H6PD: variants seen among roughly 807,000 people sequenced by gnomAD.
H6PD encodes GDH/6PGL endoplasmic bifunctional protein.
In H6PD, 48 loss-of-function variants were observed where a neutral mutation model predicts 61.2. The ratio of observed to expected loss-of-function variants is 0.78; its 90% CI spans 0.62 to 1.00. H6PD has a LOEUF of 1.00. H6PD is among the 50% of genes least tolerant of loss of function. The pLI, the probability that H6PD is intolerant of heterozygous loss-of-function variation, is 0.00. For missense variants in H6PD, 1,093 were observed against 1,065.0 expected, an observed-to-expected ratio of 1.03 and a Z score of -0.37; for synonymous variants, 480 against 457.9, an observed-to-expected ratio of 1.05 and a Z score of -0.62.
chr1:9,256,457 G>A (rs532127936), intron 3 of H6PD, among the ~76,000 whole-genome samples: 1 of 152,292 alleles, frequency 6.6e-6, no homozygotes, highest in Admixed American at 6.5e-5. Flanking sequence ...GCTGCTGTCG[G>A]GAATGGCATA....
rs74053636 is a variant in H6PD, at chr1:9,270,126, A to G, written c.*5257A>G. On this transcript the variant is annotated 3_prime_UTR_variant, in exon 5 of 5. Coordinates refer to ENST00000377403, the MANE Select transcript of H6PD (RefSeq NM_004285.4). Reference sequence around the variant, plus strand: ...GGATGTGCCTGTCTCTGTGTGACCCACGAACGGGAAGGGAGAGCACTGGAG... The same window carrying G: ...GGATGTGCCTGTCTCTGTGTGACCCGCGAACGGGAAGGGAGAGCACTGGAG... 84 of 152,736 alleles carry G rather than the reference A, an allele frequency of 5.5e-4. No individual in the cohort carries two copies. The highest frequency in any genetic ancestry group is 1.9e-3 in the African/African-American group (81 of 41,548). The allele number at this position is 152,736 out of a possible 1,614,324, so 9.5% of individuals were successfully genotyped here.
In H6PD at chr1:9,248,170, G is replaced by A. The variant is rs950054816; in HGVS notation, c.745+1087G>A. 3.9e-5 allele frequency among the ~76,000 whole-genome samples: 6 copies of A among 152,334 alleles called. No individual in the cohort carries two copies. In the East Asian group the frequency reaches 7.7e-4, roughly 20 times the overall value. ...TGCAGCTGCAGCGGGAGCACCCGAG[G>A]CCACTGCCCCCCCAGCCCCCGCAGT... On this transcript the variant is annotated intron_variant, in intron 3 of 4. Coordinates refer to ENST00000377403, the MANE Select transcript of H6PD (RefSeq NM_004285.4).
chr1:9,257,684 G>A (rs1408182450), intron 3 of H6PD, among the ~76,000 whole-genome samples: 1 of 152,230 alleles, frequency 6.6e-6, no homozygotes, highest in Non-Finnish European at 1.5e-5. Context: ...TGGGCTAGAA[G>A]AAGCCAGGGC....
Position 9,234,857 on chromosome 1 carries a change from CT to C in H6PD, c.-218del. On this transcript the variant is annotated 5_prime_UTR_variant, in exon 1 of 5. Transcript: ENST00000377403. Reference sequence around the variant, plus strand: ...GGCCGGGCTGGCCTTGGCCTCGCGCCTTCCCCTGCGGCCGCCGCGGGCTCCG... The same window carrying C: ...GGCCGGGCTGGCCTTGGCCTCGCGCCTCCCCTGCGGCCGCCGCGGGCTCCG... 1 of 147,936 alleles carries C rather than the reference CT, an allele frequency of 6.8e-6. No individual in the cohort carries two copies. Among genetic ancestry groups the C allele is most frequent in the Non-Finnish European group, 1.5e-5 (1 of 66,384 alleles). The allele number at this position is 147,936 out of a possible 1,614,324, so 9.2% of individuals were successfully genotyped here.
chr1:9,245,611 T>A lies in H6PD; in HGVS notation c.627+50T>A. ...AGGGCTAGGGTGAGCTGGGCGCTGG[T>A]AGACCCCAGCAACAAAGCCGCTCGC... is the stretch of plus-strand genomic sequence containing the variant. On this transcript the variant is annotated intron_variant, in intron 2 of 4. Coordinates refer to ENST00000377403, the MANE Select transcript of H6PD (RefSeq NM_004285.4). The surrounding 1 kb of genome is among the most constrained non-coding windows in gnomAD (Gnocchi z 4.8). 6.3e-7 allele frequency: 1 copy of A among 1,577,116 alleles called. No homozygotes were observed. The highest frequency in any genetic ancestry group is 8.7e-7 in the Non-Finnish European group (1 of 1,147,128).
chr1:9,236,668 T>TAAAAA (rs34967254), intron 1 of H6PD, among the ~76,000 whole-genome samples: 2 of 111,458 alleles, frequency 1.8e-5, no homozygotes, highest in African/African-American at 3.3e-5. Flanking sequence ...GACTTCTCCT[T>TAAAAA]AAAAAAAAAA....
chr1:9,240,670 A>T (rs74676453), intron 1 of H6PD, among the ~76,000 whole-genome samples: 1,933 of 152,202 alleles, frequency 0.013, 18 homozygotes, highest in Non-Finnish European at 0.018. Flanking sequence ...TTTCTCATTG[A>T]TTTGTTAATT....
At position 9,266,057 on chromosome 1, in the gene H6PD, A is replaced by C. The variant is rs1056029723; in HGVS notation, c.*1188A>C. 2.0e-5 allele frequency: 3 copies of C among 152,382 alleles called. No homozygotes were observed. Among genetic ancestry groups the C allele is most frequent in the Admixed American group, 6.5e-5 (1 of 15,304 alleles). The allele number at this position is 152,382 out of a possible 1,614,324, so 9.4% of individuals were successfully genotyped here. A position where few individuals can be genotyped will look rare whatever the true frequency, so the allele number is the denominator to read the frequency against. On this transcript the variant is annotated 3_prime_UTR_variant, in exon 5 of 5. Transcript: ENST00000377403. ...TCTCAATAGCCCCTCTTGTTTTACC[A>C]GGAAAGATCCAGTTAAATCACCCAC...
intron 1 of H6PD, chr1:9,242,929 G>T (rs973708146): frequency 3.0e-6 from 3 of 985,338 alleles, no homozygotes; most frequent in African/African-American, 1.7e-5. Flanking sequence ...CCAAGGACAG[G>T]GACTGGAAAG....
intron 3 of H6PD, among the ~76,000 whole-genome samples, chr1:9,256,049 T>A (rs1641507241): frequency 6.6e-6 from 1 of 152,238 alleles, no homozygotes; most frequent in East Asian, 1.9e-4. Context: ...GTGTGTGACC[T>A]TGGGTAAGTT....
chr1:9,247,327 C>T (rs1641212479), intron 3 of H6PD, among the ~76,000 whole-genome samples: 1 of 152,218 alleles, frequency 6.6e-6, no homozygotes, highest in Non-Finnish European at 1.5e-5. Context: ...GGCGGGAAAC[C>T]ACTGGCACGC....
chr1:9,266,270 C>G lies in H6PD; in HGVS notation c.*1401C>G, dbSNP rs1638559187. 6.6e-6 allele frequency: 1 copy of G among 152,282 alleles called. No individual in the cohort carries two copies. The highest frequency in any genetic ancestry group is 6.5e-5 in the Admixed American group (1 of 15,290). The allele number at this position is 152,282 out of a possible 1,614,324, so 9.4% of individuals were successfully genotyped here. A position where few individuals can be genotyped will look rare whatever the true frequency, so the allele number is the denominator to read the frequency against. ...GCCTTCTCTCCCTGCCCCTTGGTGA[C>G]CCCGTGGCTTCCTGTCTGCTGGCCT... On this transcript the variant is annotated 3_prime_UTR_variant, in exon 5 of 5. Transcript: ENST00000377403.
Position 9,246,087 on chromosome 1 carries a change from C to T in H6PD, c.627+526C>T, listed in dbSNP as rs187693494. Among the ~76,000 whole-genome samples the T allele has an allele frequency of 1.6e-4, 25 of 152,018 alleles. No homozygotes were observed. The East Asian group carries it at 2.5e-3, about 15-fold the overall frequency. Reference sequence around the variant, plus strand: ...CCTCCCAAGTAGCTCGGAGTACAGGCGCGCATCACCATGCCCGGCTAATTT... The same window carrying T: ...CCTCCCAAGTAGCTCGGAGTACAGGTGCGCATCACCATGCCCGGCTAATTT... On this transcript the variant is annotated intron_variant, in intron 2 of 4. Transcript: ENST00000377403.
intron 3 of H6PD, among the ~76,000 whole-genome samples, chr1:9,260,838 TG>T (rs56129280): frequency 0.045 from 6,805 of 152,106 alleles, 252 homozygotes; most frequent in Middle Eastern, 0.11. Flanking sequence ...CATCTGCGCC[TG>T]GGGGTCTTCA....
Position 9,270,250 on chromosome 1 carries a change from C to T in H6PD, c.*5381C>T, listed in dbSNP as rs542612656. The T allele has an allele frequency of 2.6e-5, 4 of 152,590 alleles. No individual in the cohort carries two copies. Among genetic ancestry groups the T allele is most frequent in the Admixed American group, 6.5e-5 (1 of 15,270 alleles). The allele number at this position is 152,590 out of a possible 1,614,324, so 9.5% of individuals were successfully genotyped here. ...AAAGGCAGTCTGCATCTTTTCTTCCCTTGGTGTGGGAGAGGTAAACACTTT... is the reference window on the plus strand; with the variant it reads ...AAAGGCAGTCTGCATCTTTTCTTCCTTTGGTGTGGGAGAGGTAAACACTTT... On this transcript the variant is annotated 3_prime_UTR_variant, in exon 5 of 5. Coordinates refer to ENST00000377403, the MANE Select transcript of H6PD (RefSeq NM_004285.4).
chr1:9,264,241 G>T lies in H6PD; in HGVS notation c.1748G>T (p.Gly583Val), dbSNP rs200495395. 2 of 1,610,244 alleles carry T rather than the reference G, an allele frequency of 1.2e-6. No homozygotes were observed. Among genetic ancestry groups the T allele is most frequent in the Non-Finnish European group, 1.7e-6 (2 of 1,179,154 alleles). ...GCTGTGCGAGCCGTGCGGCGCTTTGGCCAGTTCCACCTGGCACTGTCGGGG... is the reference window on the plus strand; with the variant it reads ...GCTGTGCGAGCCGTGCGGCGCTTTGTCCAGTTCCACCTGGCACTGTCGGGG... ...ATAVRAVRRF[G>V]QFHLALSGGS... The change falls in exon 5 of 5, where the codon GGC (glycine) becomes GTC (valine). Residue 583 changes from glycine (G) to valine (V), a missense_variant. By Grantham distance (109) the Gly-to-Val change is moderately radical (BLOSUM62 -3). Coordinates refer to ENST00000377403, the MANE Select transcript of H6PD (RefSeq NM_004285.4).
intron 3 of H6PD, among the ~76,000 whole-genome samples, chr1:9,249,114 C>T (rs1407340101): frequency 6.6e-6 from 1 of 152,222 alleles, no homozygotes; most frequent in Non-Finnish European, 1.5e-5. Flanking sequence ...GGAGACTCCT[C>T]TCCCCTTTCT....
Position 9,263,609 on chromosome 1 carries a change from G to T in H6PD, c.1116G>T (p.Leu372Phe), listed in dbSNP as rs966937656. 6.2e-7 allele frequency: 1 copy of T among 1,613,992 alleles called. No individual in the cohort carries two copies. The highest frequency in any genetic ancestry group is 8.5e-7 in the Non-Finnish European group (1 of 1,179,792). ...AGAGAGTGGGCTACGCTCGGATCTT[G>T]TTCAAGAACCAGGCCTGCTGTGTGC... ...LDERVGYARI[L>F]FKNQACCVQS... Residue 372 changes from leucine to phenylalanine, a missense_variant, in exon 5 of 5, where the codon TTG (leucine) becomes TTT (phenylalanine). By Grantham distance (22) the Leu-to-Phe change is conservative (BLOSUM62 0). Coordinates refer to ENST00000377403, the MANE Select transcript of H6PD (RefSeq NM_004285.4).
In H6PD at chr1:9,237,236, C is replaced by CTTTTTTTTTTTTTTTTTTTTTTT. The variant is rs370751354; in HGVS notation, c.-11+2174_-11+2196dup. ...ACCTTTGGTAAGTTATTTGACTTCT[C>CTTTTTTTTTTTTTTTTTTTTTTT]TTTTTTTTTTTTTTTTTTTTTTTTT... On this transcript the variant is annotated intron_variant, in intron 1 of 4. Transcript: ENST00000377403. Among the ~76,000 whole-genome samples, 12 of 71,080 alleles carry CTTTTTTTTTTTTTTTTTTTTTTT rather than the reference C, an allele frequency of 1.7e-4. 3 individuals carry two copies. Among genetic ancestry groups the CTTTTTTTTTTTTTTTTTTTTTTT allele is most frequent in the East Asian group, 1.6e-3 (3 of 1,904 alleles). The allele number at this position is 71,080 out of a possible 152,430, so 46.6% of individuals were successfully genotyped here.
Sources: gnomAD v4.1 joint callset for allele counts (sites outside exome capture counted in the v4.1 genomes callset) on GRCh38, gnomAD v4.1.1 for gene constraint, Gnocchi (gnomAD v3.1) non-coding constraint, MANE v1.5 for transcripts, NCBI Gene and HGNC (gene_info 2026-07-23, HGNC 2026-07-21) for gene names.